The following BACH2 variants were observed in gnomAD, a reference collection of about 807,000 sequenced individuals.
BACH2 encodes the protein BACH transcriptional regulator 2.
In BACH2, 5 loss-of-function variants were observed where a neutral mutation model predicts 61.8. That is an observed-to-expected ratio of 0.08 (90% CI 0.04 to 0.17). BACH2 has a LOEUF of 0.17. Among genes scored for constraint, BACH2 ranks in the 10% least tolerant of loss-of-function variants. The pLI, the probability that BACH2 is intolerant of heterozygous loss-of-function variation, is 1.00. For synonymous variants in BACH2, 446 were observed against 440.1 expected (o/e 1.01, Z -0.17); for missense variants, 824 against 1,091.1 (o/e 0.76, Z 3.45).
At chr6:89,986,514 T>A (rs979432359) in intron 6 of BACH2, among the ~76,000 whole-genome samples, 3 of 152,214 alleles carry the variant, frequency 2.0e-5, no homozygotes, top group African/African-American at 7.2e-5. Flanking sequence ...ATGATTTTTT[T>A]AAAGTTTTCT....
At chr6:90,081,272 T>C (rs968022368) in intron 5 of BACH2, among the ~76,000 whole-genome samples, 1 of 152,128 alleles carries the variant, frequency 6.6e-6, no homozygotes, top group African/African-American at 2.4e-5. Flanking sequence ...GACATGCCCA[T>C]CACTAAACAA....
chr6:90,067,619 G>A (rs1396258168), intron 5 of BACH2, among the ~76,000 whole-genome samples: 2 of 152,232 alleles, frequency 1.3e-5, no homozygotes, highest in Non-Finnish European at 2.9e-5. Flanking sequence ...AGGTCGGGAA[G>A]GAGAGGGTGG....
intron 2 of BACH2, among the ~76,000 whole-genome samples, chr6:90,260,961 G>C (rs1405397513): frequency 1.3e-5 from 2 of 152,294 alleles, no homozygotes; most frequent in East Asian, 3.9e-4. Context: ...CCTGAAATAG[G>C]AGCCCCTATT....
intron 4 of BACH2, among the ~76,000 whole-genome samples, chr6:90,190,808 T>A (rs950969918): frequency 7.9e-5 from 12 of 152,216 alleles, no homozygotes; most frequent in Admixed American, 4.6e-4. Context: ...CAACCTAGGC[T>A]AAGACCCCAG....
At chr6:90,147,736 T>C (rs1241449605) in intron 4 of BACH2, among the ~76,000 whole-genome samples, 1 of 152,222 alleles carries the variant, frequency 6.6e-6, no homozygotes, top group Non-Finnish European at 1.5e-5. Flanking sequence ...AGCACCGTAA[T>C]TGAAAAAATA....
chr6:90,197,977 A>T (rs1768816308), intron 4 of BACH2, among the ~76,000 whole-genome samples: 1 of 152,202 alleles, frequency 6.6e-6, no homozygotes, highest in Non-Finnish European at 1.5e-5. Context: ...TTGATGGTGT[A>T]AGGAAAATGG....
At chr6:90,243,020 C>A (rs1770505004) in intron 3 of BACH2, among the ~76,000 whole-genome samples, 1 of 146,212 alleles carries the variant, frequency 6.8e-6, no homozygotes, top group South Asian at 2.3e-4. Flanking sequence ...GCTTGGATTA[C>A]AGGGATACAC....
intron 4 of BACH2, among the ~76,000 whole-genome samples, chr6:90,197,312 A>G (rs1768793575): frequency 6.6e-6 from 1 of 152,232 alleles, no homozygotes; most frequent in African/African-American, 2.4e-5. Context: ...TCATTCCATT[A>G]TAAATTTCCT....
rs202006262 is a variant in BACH2 at position 89,951,581 on chromosome 6, C to T, written c.525G>A (p.Thr175=). 3.5e-5 allele frequency: 56 copies of T among 1,614,090 alleles called. 1 individual carries two copies. In the Admixed American group the frequency reaches 5.2e-4, roughly 15 times the overall value. Residue 175 remains threonine (T), a synonymous_variant, in exon 7 of 9, where the codon ACG becomes ACA. Transcript: ENST00000257749. The surrounding 1 kb of genome is among the most constrained non-coding windows in gnomAD (Gnocchi z 6.4). ...DEEEETMDSE[T]AKMACPRDQM... ...GGTCCCTGGGGCAAGCCATCTTGGC[C>T]GTCTCTGAATCCATCGTCTCCTCCT...
At chr6:90,142,820 T>C (rs1219176503) in intron 4 of BACH2, among the ~76,000 whole-genome samples, 1 of 151,872 alleles carries the variant, frequency 6.6e-6, no homozygotes, top group Non-Finnish European at 1.5e-5. Context: ...TGAGTAAGAG[T>C]GACTGTGATA....
rs1283400286 is a variant in BACH2 at position 89,951,227 on chromosome 6, C to T, written c.879G>A (p.Leu293=). Residue 293 remains leucine, a synonymous_variant, in exon 7 of 9, where the codon CTG becomes CTA. Coordinates refer to ENST00000257749, the MANE Select transcript of BACH2 (RefSeq NM_021813.4). This position sits in a 1 kb window ranked among gnomAD's most constrained non-coding sequence, Gnocchi z 6.4. ...CCTTGGCGTCAGGCTCATCTCCAGA[C>T]AGGCAGAGCGTGATGCTCTCTTCCT... The part of the protein sequence containing the change: ...ENEEESITLC[L]SGDEPDAKDR... 1 of 1,613,996 alleles carries T rather than the reference C, an allele frequency of 6.2e-7. No individual in the cohort carries two copies. Among genetic ancestry groups the T allele is most frequent in the Non-Finnish European group, 8.5e-7 (1 of 1,180,046 alleles).
intron 4 of BACH2, among the ~76,000 whole-genome samples, chr6:90,142,992 G>A (rs1784511491): frequency 6.6e-6 from 1 of 152,170 alleles, no homozygotes; most frequent in Non-Finnish European, 1.5e-5. Flanking sequence ...ACTCTTCTGG[G>A]TGACAGCCAG....
intron 1 of BACH2, among the ~76,000 whole-genome samples, chr6:90,286,151 C>A (rs544028899): frequency 6.6e-6 from 1 of 152,200 alleles, no homozygotes; most frequent in African/African-American, 2.4e-5. Context: ...ACTGCTTTTC[C>A]TCCCTTCTGA....
intron 6 of BACH2, among the ~76,000 whole-genome samples, chr6:89,989,497 A>G (rs1776423127): frequency 6.6e-6 from 1 of 152,184 alleles, no homozygotes; most frequent in Non-Finnish European, 1.5e-5. Flanking sequence ...GAGAGAGGGC[A>G]AATCCACCTC....
At chr6:90,087,569 C>G (rs1312109984) in intron 5 of BACH2, among the ~76,000 whole-genome samples, 1 of 152,092 alleles carries the variant, frequency 6.6e-6, no homozygotes, top group East Asian at 1.9e-4. Context: ...ATAAATTGTT[C>G]TTGTCCTCAG....
rs1562320325 is a variant in BACH2 at position 89,951,545 on chromosome 6, T to C, written c.561A>G (p.Pro187=). 2 of 1,614,208 alleles carry C rather than the reference T, an allele frequency of 1.2e-6. No homozygotes were observed. The highest frequency in any genetic ancestry group is 1.7e-6 in the Non-Finnish European group (2 of 1,180,038). The change falls in exon 7 of 9, where the codon CCA becomes CCG. Residue 187 remains proline, a synonymous_variant. Coordinates refer to ENST00000257749, the MANE Select transcript of BACH2 (RefSeq NM_021813.4). This position sits in a 1 kb window ranked among gnomAD's most constrained non-coding sequence, Gnocchi z 6.4. The stretch of plus-strand genomic sequence containing the variant: ...CGGCGGCCTCAAAGCTGATGGGCTC[T>C]GGAAGCATCTGGTCCCTGGGGCAAG... ...KMACPRDQML[P]EPISFEAAAI...
chr6:90,190,641 C>A (rs1181979532), intron 4 of BACH2, among the ~76,000 whole-genome samples: 3 of 152,248 alleles, frequency 2.0e-5, no homozygotes, highest in East Asian at 3.8e-4. Flanking sequence ...AGAGTCCCTA[C>A]AGACTTCAAA....
chr6:90,195,107 A>G (rs1012390119), intron 4 of BACH2, among the ~76,000 whole-genome samples: 1 of 152,130 alleles, frequency 6.6e-6, no homozygotes, highest in Admixed American at 6.5e-5. Context: ...CTTGGATATG[A>G]CATGTCCAGA....
intron 4 of BACH2, among the ~76,000 whole-genome samples, chr6:90,147,670 A>C (rs1310907845): frequency 6.6e-6 from 1 of 152,218 alleles, no homozygotes; most frequent in East Asian, 1.9e-4. Context: ...CAATTAGAAA[A>C]AAAAATTGTG....
Sources: allele counts gnomAD v4.1 joint callset (sites outside exome capture counted in the v4.1 genomes callset), GRCh38; gene constraint gnomAD v4.1.1; non-coding constraint Gnocchi (gnomAD v3.1); transcripts MANE v1.5; gene names NCBI Gene and HGNC (gene_info 2026-07-23, HGNC 2026-07-21).